DENND2B: variants seen among roughly 807,000 people sequenced by gnomAD.
DENND2B encodes DENN domain-containing protein 2B.
In DENND2B, 32 loss-of-function variants were observed where a neutral mutation model predicts 116.0. The ratio of observed to expected loss-of-function variants is 0.28; its 90% CI spans 0.21 to 0.37. The LOEUF (loss-of-function observed/expected upper bound fraction) is 0.37, where lower values mean the gene tolerates loss of function less well. Among genes scored for constraint, DENND2B ranks in the 10% least tolerant of loss-of-function variants. The pLI, the probability that DENND2B is intolerant of heterozygous loss-of-function variation, is 1.00. For synonymous variants in DENND2B, 588 were observed against 583.9 expected (o/e 1.01, Z -0.10); for missense variants, 1,276 against 1,477.7 (o/e 0.86, Z 2.24).
chr11:8,754,552 C>T (rs1183472616), intron 1 of DENND2B, among the ~76,000 whole-genome samples: 1 of 152,152 alleles, frequency 6.6e-6, no homozygotes, highest in Non-Finnish European at 1.5e-5. Flanking sequence ...CCATATAAAC[C>T]AGGATGACCC....
chr11:8,737,749 CCTTCCTCTT>C (rs920572288), intron 2 of DENND2B, among the ~76,000 whole-genome samples: 2 of 151,652 alleles, frequency 1.3e-5, no homozygotes, highest in African/African-American at 2.4e-5. Flanking sequence ...CTCTTCCTCT[CCTTCCTCTT>C]CTTCCTCTCC....
At chr11:8,893,918 A>C (rs986753528) in intron 1 of DENND2B, among the ~76,000 whole-genome samples, 1 of 151,478 alleles carries the variant, frequency 6.6e-6, no homozygotes, top group Non-Finnish European at 1.5e-5. Flanking sequence ...ATATGGAACC[A>C]AAAAAGAGCC....
At chr11:8,904,502 C>T (rs2064210683) in intron 1 of DENND2B, among the ~76,000 whole-genome samples, 1 of 152,152 alleles carries the variant, frequency 6.6e-6, no homozygotes, top group Admixed American at 6.6e-5. Flanking sequence ...TGTTCTGCCT[C>T]TAAAATTGGG....
At chr11:8,696,223 G>T (rs1422610164) in intron 18 of DENND2B, among the ~76,000 whole-genome samples, 1 of 152,236 alleles carries the variant, frequency 6.6e-6, no homozygotes, top group East Asian at 1.9e-4. Flanking sequence ...CTCTAGCCAT[G>T]TGGCTTAGCT....
intron 4 of DENND2B, among the ~76,000 whole-genome samples, chr11:8,822,975 C>T (rs78781313): frequency 0.021 from 3,208 of 152,100 alleles, 91 homozygotes; most frequent in East Asian, 0.1. Context: ...AAGTACAAAT[C>T]GCATCAAGAG....
intron 4 of DENND2B, among the ~76,000 whole-genome samples, chr11:8,837,066 C>T (rs2062457753): frequency 6.6e-6 from 1 of 151,792 alleles, no homozygotes; most frequent in South Asian, 2.1e-4. Context: ...CACAGAACAG[C>T]AAAATACTTT....
intron 1 of DENND2B, among the ~76,000 whole-genome samples, chr11:8,769,974 T>C (rs1228280026): frequency 6.6e-6 from 1 of 151,900 alleles, no homozygotes; most frequent in Non-Finnish European, 1.5e-5. Context: ...CTACAAAACA[T>C]AAAAAAGAAA....
Position 8,786,747 on chromosome 11 carries a change from C to T in DENND2B, c.-26+23770G>A, listed in dbSNP as rs1373228664. Among the ~76,000 whole-genome samples the T allele has an allele frequency of 2.6e-5, 4 of 152,116 alleles. 1 individual carries two copies. Among genetic ancestry groups the T allele is most frequent in the African/African-American group, 7.2e-5 (3 of 41,416 alleles). ...ATCACTTGAGCCCAGGAGGTCGAGGCTTCAAGGCTGCAGTGATCTTGACTG... is the reference window on the plus strand; with the variant it reads ...ATCACTTGAGCCCAGGAGGTCGAGGTTTCAAGGCTGCAGTGATCTTGACTG... On this transcript the variant is annotated intron_variant, in intron 1 of 19. Transcript: ENST00000313726.
chr11:8,712,172 G>A lies in DENND2B; in HGVS notation c.2172+379C>T, dbSNP rs956665347. ...AGAAGTGCGGAGTGACAGCTAGTGG[G>A]TGCAGAGTTTCTCTTTGGGGTGATA... On this transcript the variant is annotated intron_variant, in intron 9 of 19. Transcript: ENST00000313726. This position sits in a 1 kb window ranked among gnomAD's most constrained non-coding sequence, Gnocchi z 4.4. 4 of 359,152 alleles carry A rather than the reference G, an allele frequency of 1.1e-5. No individual in the cohort carries two copies. The highest frequency in any genetic ancestry group is 3.7e-5 in the Admixed American group (1 of 27,320). 22.2% of individuals were successfully genotyped at this position (359,152 alleles called of 1,614,324 possible). A position where few individuals can be genotyped will look rare whatever the true frequency, so the allele number is the denominator to read the frequency against.
chr11:8,874,995 C>G (rs1484678603), upstream of DENND2B, among the ~76,000 whole-genome samples: 1 of 152,016 alleles, frequency 6.6e-6, no homozygotes, highest in Non-Finnish European at 1.5e-5. Context: ...TTCTCTAAAG[C>G]AGACAACTGG....
intron 5 of DENND2B, among the ~76,000 whole-genome samples, chr11:8,717,413 G>A (rs1274435059): frequency 2.0e-5 from 3 of 152,204 alleles, no homozygotes; most frequent in Non-Finnish European, 4.4e-5. Flanking sequence ...AATCAGAGAG[G>A]AGACTGCAAG....
chr11:8,852,879 A>G (rs2063059087), intron 3 of DENND2B, among the ~76,000 whole-genome samples: 1 of 152,186 alleles, frequency 6.6e-6, no homozygotes, highest in Admixed American at 6.5e-5. Flanking sequence ...GACAGTAAGG[A>G]GAAGGACGAT....
chr11:8,844,678 A>C (rs893108104), intron 3 of DENND2B, among the ~76,000 whole-genome samples: 1 of 82,718 alleles, frequency 1.2e-5, no homozygotes. Context: ...ATATATACAT[A>C]TAAATGCATA....
chr11:8,815,244 T>A (rs1200303158), upstream of DENND2B, among the ~76,000 whole-genome samples: 1 of 151,908 alleles, frequency 6.6e-6, no homozygotes, highest in African/African-American at 2.4e-5. Context: ...AAAAAAAAAG[T>A]CTTATGTTTC....
rs1283552014 is a variant in DENND2B at position 8,747,500 on chromosome 11, G to T, written c.80+3121C>A. On this transcript the variant is annotated intron_variant, in intron 2 of 19. Coordinates refer to ENST00000313726, the MANE Select transcript of DENND2B (RefSeq NM_213618.2). ...AAACATAATACTTCCTTTTTTGCAA[G>T]TTACCAACCTGCTTCCAGTCCCACC... Among the ~76,000 whole-genome samples, 4 of 152,044 alleles carry T rather than the reference G, an allele frequency of 2.6e-5. 1 individual carries two copies. The South Asian group carries it at 8.3e-4, about 31-fold the overall frequency.
intron 5 of DENND2B, 53 bp from the exon 6 acceptor site, chr11:8,715,871 A>G: frequency 4.0e-6 from 6 of 1,510,150 alleles, no homozygotes; most frequent in Non-Finnish European, 5.4e-6. Context: ...GGCCTTGGCC[A>G]GTGTCTGTCT....
chr11:8,856,560 T>C (rs779705128), intron 3 of DENND2B, among the ~76,000 whole-genome samples: 1 of 151,988 alleles, frequency 6.6e-6, no homozygotes, highest in Non-Finnish European at 1.5e-5. Context: ...GGAGACAGGT[T>C]TTACTTCCAC....
chr11:8,797,422 T>A (rs2059911666), intron 1 of DENND2B, among the ~76,000 whole-genome samples: 2 of 151,602 alleles, frequency 1.3e-5, no homozygotes, highest in Non-Finnish European at 2.9e-5. Flanking sequence ...TTCCTCATAT[T>A]CTTATCCCCT....
At chr11:8,796,852 A>T (rs1426885182) in intron 1 of DENND2B, among the ~76,000 whole-genome samples, 1 of 152,170 alleles carries the variant, frequency 6.6e-6, no homozygotes, top group Non-Finnish European at 1.5e-5. Flanking sequence ...AAGTCAGGTT[A>T]ACTGCTTCCA....
Sources: gnomAD v4.1 joint callset for allele counts (sites outside exome capture counted in the v4.1 genomes callset) on GRCh38, gnomAD v4.1.1 for gene constraint, Gnocchi (gnomAD v3.1) non-coding constraint, MANE v1.5 for transcripts, NCBI Gene and HGNC (gene_info 2026-07-23, HGNC 2026-07-21) for gene names.